SIL1: variants seen among roughly 807,000 people sequenced by gnomAD.
The protein encoded by SIL1 is nucleotide exchange factor SIL1.
In SIL1, 40 loss-of-function variants were observed where a neutral mutation model predicts 49.1. The observed-to-expected ratio is 0.81, with a 90% CI of 0.63 to 1.06. The LOEUF (loss-of-function observed/expected upper bound fraction) is 1.06, where lower values mean the gene tolerates loss of function less well. Ranked by LOEUF, SIL1 falls within the 50% of genes least tolerant of loss-of-function variation. The pLI is 0.00. For synonymous variants in SIL1, 253 were observed against 250.8 expected (o/e 1.01, Z -0.08); for missense variants, 500 against 572.6 (o/e 0.87, Z 1.29).
At chr5:139,012,553 C>G (rs1011055662) in intron 7 of SIL1, 20 of 152,066 alleles carry the variant, frequency 1.3e-4, no homozygotes, top group Admixed American at 9.8e-4. Flanking sequence ...ATTTTCACAC[C>G]AAAAATTTAA....
intron 2 of SIL1, among the ~76,000 whole-genome samples, chr5:139,121,949 C>T (rs1581116669): frequency 6.6e-6 from 1 of 152,170 alleles, no homozygotes; most frequent in South Asian, 2.1e-4. Context: ...GGACTCTCAT[C>T]CTTCCTATCC....
In SIL1 at chr5:139,021,153, G is replaced by A. The variant is rs566298874; in HGVS notation, c.767+18C>T. 38 of 1,614,086 alleles carry A rather than the reference G, an allele frequency of 2.4e-5. No individual in the cohort carries two copies. The highest frequency in any genetic ancestry group is 3.3e-4 in the Middle Eastern group (2 of 6,044). ...GCCAAGCAATTCTGGCCATTGGGAC[G>A]TCCATTATACTGCTCACCTGGAAAA... On this transcript the variant is annotated intron_variant, in intron 7 of 9. Coordinates refer to ENST00000394817, the MANE Select transcript of SIL1 (RefSeq NM_022464.5).
chr5:138,969,217 A>G (rs1343589050), intron 7 of SIL1, among the ~76,000 whole-genome samples: 1 of 152,132 alleles, frequency 6.6e-6, no homozygotes, highest in African/African-American at 2.4e-5. Context: ...GGTAATGCCC[A>G]CCTCTGCTGT....
intron 7 of SIL1, among the ~76,000 whole-genome samples, chr5:138,976,313 T>C (rs1408354901): frequency 1.4e-5 from 2 of 147,962 alleles, no homozygotes; most frequent in African/African-American, 5.0e-5. Context: ...TACCTCTCTT[T>C]TTTTTTTTTT....
chr5:138,971,237 A>G (rs185356323), intron 7 of SIL1, among the ~76,000 whole-genome samples: 37 of 152,238 alleles, frequency 2.4e-4, no homozygotes, highest in Non-Finnish European at 4.6e-4. Context: ...CCCCAGGCCA[A>G]GATACTAGAT....
At chr5:139,036,570 A>G (rs1233493032) in intron 5 of SIL1, among the ~76,000 whole-genome samples, 1 of 152,228 alleles carries the variant, frequency 6.6e-6, no homozygotes, top group Non-Finnish European at 1.5e-5. Context: ...GCTGGAGGCC[A>G]TTATTCTTAA....
chr5:139,183,310 T>G (rs928767960), intron 1 of SIL1, among the ~76,000 whole-genome samples: 3 of 152,222 alleles, frequency 2.0e-5, no homozygotes, highest in African/African-American at 4.8e-5. Flanking sequence ...CTTTAAATTC[T>G]GATTTAAGTA....
chr5:139,157,035 T>A (rs1237289275), intron 1 of SIL1, among the ~76,000 whole-genome samples: 1 of 152,168 alleles, frequency 6.6e-6, no homozygotes, highest in Non-Finnish European at 1.5e-5. Flanking sequence ...ATCTGATGGG[T>A]GACCCTGCCA....
intron 5 of SIL1, among the ~76,000 whole-genome samples, chr5:139,039,212 C>T (rs539097709): frequency 1.3e-5 from 2 of 152,284 alleles, no homozygotes; most frequent in South Asian, 4.2e-4. Context: ...CCTTCTACCA[C>T]TTTTTGCTGC....
intron 1 of SIL1, among the ~76,000 whole-genome samples, chr5:139,130,624 T>C (rs1209595242): frequency 6.6e-6 from 1 of 152,204 alleles, no homozygotes; most frequent in African/African-American, 2.4e-5. Context: ...ATTCCACTCC[T>C]AGGCATATCC....
chr5:139,058,229 G>A (rs568974583), intron 3 of SIL1, among the ~76,000 whole-genome samples: 6 of 152,084 alleles, frequency 3.9e-5, no homozygotes, highest in South Asian at 2.1e-4. Flanking sequence ...CATAGAAACC[G>A]TAGATTAATG....
intron 1 of SIL1, among the ~76,000 whole-genome samples, chr5:139,187,517 TAAA>T (rs36105029): frequency 7.3e-6 from 1 of 136,072 alleles, no homozygotes. Context: ...GACTCCATCT[TAAA>T]AAAAAAAAAA....
rs1766643830 is a variant in SIL1, at chr5:138,947,032, G to C, written c.*85C>G. The stretch of plus-strand genomic sequence containing the variant: ...TTAATGGCCAAGCCAGCACTGCCAA[G>C]ATGTCCTCCTGCCTGAGAAGCCCAC... On this transcript the variant is annotated 3_prime_UTR_variant, in exon 10 of 10. Transcript: ENST00000394817. This position sits in a 1 kb window ranked among gnomAD's most constrained non-coding sequence, Gnocchi z 4.1. The C allele has an allele frequency of 8.9e-6, 9 of 1,016,092 alleles. No individual in the cohort carries two copies. The highest frequency in any genetic ancestry group is 2.0e-5 in the Admixed American group (1 of 50,830). 62.9% of individuals were successfully genotyped at this position (1,016,092 alleles called of 1,614,324 possible).
chr5:139,013,983 T>C (rs1352472318), intron 7 of SIL1: 1 of 152,196 alleles, frequency 6.6e-6, no homozygotes, highest in Non-Finnish European at 1.5e-5. Context: ...AAACTTACCC[T>C]CTATAAGGTG....
rs1028658860 is a variant in SIL1 at position 139,167,816 on chromosome 5, T to C, written c.-11+30453A>G. On this transcript the variant is annotated intron_variant, in intron 1 of 9. Coordinates refer to ENST00000394817, the MANE Select transcript of SIL1 (RefSeq NM_022464.5). ...CTTCCAGTCCTGCAAGCTCCATTCA[T>C]GTTAAGTGCACTGTACAGGGGTACT... Among the ~76,000 whole-genome samples, 14 of 152,286 alleles carry C rather than the reference T, an allele frequency of 9.2e-5. No homozygotes were observed. In the East Asian group the frequency reaches 2.5e-3, roughly 27 times the overall value.
intron 5 of SIL1, among the ~76,000 whole-genome samples, chr5:139,040,477 A>AT (rs1433157841): frequency 1.5e-4 from 14 of 95,630 alleles, no homozygotes; most frequent in South Asian, 3.1e-4. Context: ...GGAGAGGAGT[A>AT]TTTTTTCTTT....
At chr5:139,147,028 C>T (rs1185134924) in intron 1 of SIL1, among the ~76,000 whole-genome samples, 6 of 152,184 alleles carry the variant, frequency 3.9e-5, no homozygotes, top group African/African-American at 1.2e-4. Flanking sequence ...ATCTAACACA[C>T]AGCAAGCACT....
chr5:138,983,237 G>A lies in SIL1; in HGVS notation c.768-31353C>T, dbSNP rs551308954. On this transcript the variant is annotated intron_variant, in intron 7 of 9. Coordinates refer to ENST00000394817, the MANE Select transcript of SIL1 (RefSeq NM_022464.5). The stretch of plus-strand genomic sequence containing the variant: ...AAAAAAAAAAAAAAAGGCCGGGCGC[G>A]GTGGCTCACACCTGTCATCCCAGCA... Among the ~76,000 whole-genome samples the A allele has an allele frequency of 2.9e-4, 43 of 148,208 alleles. No homozygotes were observed. The East Asian group carries it at 3.6e-3, about 12-fold the overall frequency.
intron 3 of SIL1, among the ~76,000 whole-genome samples, chr5:139,110,286 G>A (rs963678974): frequency 3.3e-5 from 5 of 152,074 alleles, no homozygotes; most frequent in Non-Finnish European, 4.4e-5. Flanking sequence ...GGGAGCAGGG[G>A]TCGTTTCTTT....
Sources: allele counts gnomAD v4.1 joint callset (sites outside exome capture counted in the v4.1 genomes callset), GRCh38; gene constraint gnomAD v4.1.1; non-coding constraint Gnocchi (gnomAD v3.1); transcripts MANE v1.5; gene names NCBI Gene and HGNC (gene_info 2026-07-23, HGNC 2026-07-21).